Variants in ANKRD42 observed in about 807,000 individuals in gnomAD.
ANKRD42 encodes the protein ankyrin repeat domain 42.
A neutral mutation model predicts 51.5 loss-of-function variants in ANKRD42; 43 were observed. The observed-to-expected ratio is 0.83, with a 90% CI of 0.65 to 1.08. The LOEUF is 1.08. Among genes scored for constraint, ANKRD42 ranks in the 50% least tolerant of loss-of-function variants. ANKRD42 has a pLI of 0.00. For synonymous variants in ANKRD42, 203 were observed against 213.0 expected (o/e 0.95, Z 0.41); for missense variants, 608 against 629.3 (o/e 0.97, Z 0.36).
chr11:83,201,817 C>A (rs1349335519), intron 2 of ANKRD42, among the ~76,000 whole-genome samples: 1 of 152,160 alleles, frequency 6.6e-6, no homozygotes, highest in Non-Finnish European at 1.5e-5. Context: ...AGTATCTGTT[C>A]ATATCCTTTG....
rs929424767 is a variant in ANKRD42 at position 83,211,356 on chromosome 11, G to A, written c.512G>A (p.Arg171Gln). The A allele has an allele frequency of 7.4e-6, 12 of 1,613,970 alleles. No homozygotes were observed. The highest frequency in any genetic ancestry group is 3.3e-5 in the South Asian group (3 of 91,076). Residue 171 changes from arginine (R) to glutamine (Q), a missense_variant, in exon 5 of 11, where the codon CGG becomes CAG. Transcript: ENST00000533342. ...GTGCATTATGCAGCTTTTCATGGGC[G>A]GCTTGGCTGCTTGCAACTTCTTGTT... ...RPVHYAAFHG[R>Q]LGCLQLLVKW...
intron 3 of ANKRD42, chr11:83,209,621 A>C: frequency 3.5e-6 from 3 of 847,538 alleles, no homozygotes; most frequent in South Asian, 2.7e-5. Context: ...CCCACTACCC[A>C]AGAAGCCAAA....
At chr11:83,254,154 T>G (rs1159418447) in intron 11 of ANKRD42, among the ~76,000 whole-genome samples, 1 of 151,854 alleles carries the variant, frequency 6.6e-6, no homozygotes, top group Non-Finnish European at 1.5e-5. Flanking sequence ...TTTTTTGTAT[T>G]TTTTTGTAGA....
intron 3 of ANKRD42, chr11:83,209,659 G>A (rs1359042000): frequency 6.3e-6 from 5 of 796,716 alleles, no homozygotes; most frequent in South Asian, 2.7e-5. Flanking sequence ...CTGCTTTTCA[G>A]CCTCAAGCTT....
chr11:83,206,169 A>C lies in ANKRD42; in HGVS notation c.330+4A>C. On this transcript the variant is annotated splice_donor_region_variant and intron_variant, in intron 3 of 10. Coordinates refer to ENST00000533342, the MANE Select transcript of ANKRD42 (RefSeq NM_001300975.2). ...GGGTCAGGATGCTTGTGTACAGGTA[A>C]TAATATTACTTTTTTCAGTAAGTTC... 1 of 1,601,236 alleles carries C rather than the reference A, an allele frequency of 6.2e-7. No homozygotes were observed. Among genetic ancestry groups the C allele is most frequent in the Non-Finnish European group, 8.5e-7 (1 of 1,169,898 alleles).
intron 7 of ANKRD42, among the ~76,000 whole-genome samples, chr11:83,234,784 G>C (rs1863178792): frequency 6.6e-6 from 1 of 152,194 alleles, no homozygotes; most frequent in Non-Finnish European, 1.5e-5. Context: ...TGAAGTTTCT[G>C]TGTTAGTGGG....
At chr11:83,244,720 A>G (rs1256245050) in intron 9 of ANKRD42, among the ~76,000 whole-genome samples, 1 of 152,196 alleles carries the variant, frequency 6.6e-6, no homozygotes. Flanking sequence ...ATAGTTGGAG[A>G]ATAGTTCAAA....
At chr11:83,225,990 A>G (rs1167174067) in intron 6 of ANKRD42, among the ~76,000 whole-genome samples, 1 of 152,088 alleles carries the variant, frequency 6.6e-6, no homozygotes, top group African/African-American at 2.4e-5. Context: ...CCTGGCCTCA[A>G]GTGATCCTCC....
At chr11:83,222,637 G>A (rs868312353) in intron 5 of ANKRD42, among the ~76,000 whole-genome samples, 3 of 152,178 alleles carry the variant, frequency 2.0e-5, no homozygotes, top group African/African-American at 4.8e-5. Context: ...GTAACAGCAA[G>A]TGTAAATCTC....
intron 9 of ANKRD42, among the ~76,000 whole-genome samples, chr11:83,241,830 G>C (rs1367472780): frequency 1.3e-5 from 2 of 152,112 alleles, no homozygotes; most frequent in African/African-American, 4.8e-5. Context: ...CTACCTGTTG[G>C]GTGGGTGATA....
intron 5 of ANKRD42, chr11:83,213,388 G>A (rs1452203375): frequency 6.4e-7 from 1 of 1,572,166 alleles, no homozygotes; most frequent in Non-Finnish European, 8.6e-7. Context: ...AGGCTGCGCA[G>A]TGAAGAAAAT....
At chr11:83,245,360 A>G (rs181421402) in intron 9 of ANKRD42, 138 bp from the exon 10 acceptor site, 9 of 834,280 alleles carry the variant, frequency 1.1e-5, no homozygotes, top group African/African-American at 6.9e-5. Flanking sequence ...CTTTGTATAT[A>G]CCAACCTTCC....
In ANKRD42 at chr11:83,240,755, A is replaced by G. The variant is rs1375863726; in HGVS notation, c.1020-4A>G. On this transcript the variant is annotated splice_polypyrimidine_tract_variant and splice_region_variant and intron_variant, in intron 8 of 10. Coordinates refer to ENST00000533342, the MANE Select transcript of ANKRD42 (RefSeq NM_001300975.2). The stretch of plus-strand genomic sequence containing the variant: ...TCTGGTTAGTTATTGATTCTTTTCT[A>G]CAGGTTTGCCCATTTGGCAGCAGTG... The G allele has an allele frequency of 1.2e-6, 2 of 1,613,450 alleles. No homozygotes were observed. The highest frequency in any genetic ancestry group is 2.2e-5 in the East Asian group (1 of 44,870).
Position 83,205,954 on chromosome 11 carries a change from C to G in ANKRD42, c.223-104C>G, listed in dbSNP as rs1175823999. 18 of 899,806 alleles carry G rather than the reference C, an allele frequency of 2.0e-5. No homozygotes were observed. In the Admixed American group the frequency reaches 2.3e-4, roughly 11 times the overall value. The allele number at this position is 899,806 out of a possible 1,614,324, so 55.7% of individuals were successfully genotyped here. On this transcript the variant is annotated intron_variant, in intron 2 of 10. Transcript: ENST00000533342. Reference sequence around the variant, plus strand: ...TTTTGTTTTTCTTATACATGGATCTCTCATTCACTACAGTCTGCTATTTTA... The same window carrying G: ...TTTTGTTTTTCTTATACATGGATCTGTCATTCACTACAGTCTGCTATTTTA...
intron 9 of ANKRD42, among the ~76,000 whole-genome samples, chr11:83,241,143 G>A (rs573666572): frequency 2.6e-5 from 4 of 152,194 alleles, no homozygotes; most frequent in South Asian, 2.1e-4. Context: ...CCCTCAGGGG[G>A]TGGAAAGTTA....
chr11:83,213,354 C>A (rs572909894), intron 5 of ANKRD42: 226 of 1,579,184 alleles, frequency 1.4e-4, no homozygotes, highest in Non-Finnish European at 1.9e-4. Flanking sequence ...AGCTGTCCAT[C>A]GGAGTCACAC....
intron 5 of ANKRD42, among the ~76,000 whole-genome samples, chr11:83,222,053 C>T (rs908954412): frequency 6.6e-6 from 1 of 152,160 alleles, no homozygotes; most frequent in South Asian, 2.1e-4. Context: ...TTGTGCTGGG[C>T]AGAATTGGGG....
At chr11:83,259,186 A>AAAGAT (rs1863829022), downstream of ANKRD42, 1 of 152,206 alleles carries the variant, frequency 6.6e-6, no homozygotes, top group African/African-American at 2.4e-5. Flanking sequence ...AGTGTAGGAA[A>AAAGAT]AAGATACGTA....
At chr11:83,202,345 CTATT>C (rs1257358882) in intron 2 of ANKRD42, among the ~76,000 whole-genome samples, 1 of 152,144 alleles carries the variant, frequency 6.6e-6, no homozygotes, top group Non-Finnish European at 1.5e-5. Context: ...TTCCATTGGT[CTATT>C]TATCTGTTTT....
Sources: gnomAD v4.1 joint callset for allele counts (sites outside exome capture counted in the v4.1 genomes callset) on GRCh38, gnomAD v4.1.1 for gene constraint, MANE v1.5 for transcripts, NCBI Gene and HGNC (gene_info 2026-07-23, HGNC 2026-07-21) for gene names.